The following DPRX variants were observed in gnomAD, a reference collection of about 807,000 sequenced individuals.
DPRX encodes the protein divergent-paired related homeobox, also known as divergent paired-related homeobox.
DPRX carries 11 observed loss-of-function variants against 8.4 expected under a neutral mutation model. The ratio of observed to expected loss-of-function variants is 1.31; its 90% confidence interval spans 0.82 to 2.17. DPRX has a LOEUF of 2.17. Among genes scored for constraint, DPRX ranks in the 30% most tolerant of loss-of-function variants. DPRX has a pLI of 0.00. For missense variants in DPRX, 211 were observed against 236.7 expected, an observed-to-expected ratio of 0.89 and a Z score of 0.71; for synonymous variants, 72 against 87.0, an observed-to-expected ratio of 0.83 and a Z score of 0.96.
At chr19:53,610,105 T>C in the DPRX span, among the ~76,000 whole-genome samples, 93,575 of 144,844 alleles carry the variant, frequency 0.65, 30,907 homozygotes, top group East Asian at 0.83. Context: ...GAGCCGAGAT[T>C]GGGCCACTGC....
chr19:53,602,267 G>GGTATGTGT, the DPRX span: 1 of 276,096 alleles, frequency 3.6e-6, no homozygotes. Flanking sequence ...TATGGGTATG[G>GGTATGTGT]GTGTGTGTGT....
At chr19:53,629,481 A>T (rs2091083281), upstream of DPRX, among the ~76,000 whole-genome samples, 2 of 149,696 alleles carry the variant, frequency 1.3e-5, no homozygotes, top group Admixed American at 1.3e-4. Flanking sequence ...GGCTCAAGCG[A>T]TCCTCCCTTC....
chr19:53,622,770 A>G, the DPRX span, among the ~76,000 whole-genome samples: 2 of 152,314 alleles, frequency 1.3e-5, no homozygotes, highest in South Asian at 4.1e-4. Flanking sequence ...AAATGAAGAC[A>G]TCACGCCAGA....
At chr19:53,618,828 A>G in the DPRX span, among the ~76,000 whole-genome samples, 6 of 152,012 alleles carry the variant, frequency 3.9e-5, no homozygotes, top group South Asian at 1.2e-3. Context: ...GATTACAGGC[A>G]TACGCCACCA....
At position 53,636,577 on chromosome 19, in the gene DPRX, TTC is replaced by T. The variant is rs1211943471; in HGVS notation, c.184-11_184-10del. 7 of 1,535,404 alleles carry T rather than the reference TTC, an allele frequency of 4.6e-6. No individual in the cohort carries two copies. The highest frequency in any genetic ancestry group is 1.9e-5 in the Admixed American group (1 of 52,454). On this transcript the variant is annotated splice_polypyrimidine_tract_variant and intron_variant, in intron 2 of 2. Transcript: ENST00000376650. The stretch of plus-strand genomic sequence containing the variant: ...GTCATCTGAATTCCACCCCATTCTC[TTC>T]TCTCTCTTCCCTTCAGGTCTGGTTC...
At chr19:53,629,120 C>T (rs1342986444), upstream of DPRX, among the ~76,000 whole-genome samples, 4 of 151,306 alleles carry the variant, frequency 2.6e-5, no homozygotes, top group Admixed American at 1.3e-4. Flanking sequence ...TTGAGACCAG[C>T]CTGGCCAACA....
Position 53,636,381 on chromosome 19 carries a change from TA to T in DPRX, c.184-211del, listed in dbSNP as rs66955116. ...ACTCCATCTCAAAAATAAAATAAAA[TA>T]AAATAAAAATAAATAAATAAATAAA... On this transcript the variant is annotated intron_variant, in intron 2 of 2. Transcript: ENST00000376650. Among the ~76,000 whole-genome samples the T allele has an allele frequency of 4.7e-3, 517 of 110,300 alleles. 2 individuals carry two copies. The highest frequency in any genetic ancestry group is 7.6e-3 in the Non-Finnish European group (384 of 50,714). 72.4% of individuals were successfully genotyped at this position (110,300 alleles called of 152,430 possible).
At chr19:53,612,772 A>G in the DPRX span, among the ~76,000 whole-genome samples, 1 of 152,182 alleles carries the variant, frequency 6.6e-6, no homozygotes, top group African/African-American at 2.4e-5. Context: ...AAAGGAAGAA[A>G]GAAAAGAAAT....
upstream of DPRX, among the ~76,000 whole-genome samples, chr19:53,627,965 G>T (rs539561297): frequency 6.6e-6 from 1 of 151,904 alleles, no homozygotes; most frequent in African/African-American, 2.4e-5. Context: ...CCGGGAGGCG[G>T]AGGTTGCAGT....
the DPRX span, among the ~76,000 whole-genome samples, chr19:53,624,094 T>C: frequency 5.9e-5 from 8 of 135,004 alleles, no homozygotes; most frequent in African/African-American, 2.0e-4. Context: ...TTTTTTTTTT[T>C]TTTTTTTTTT....
the DPRX span, chr19:53,608,565 G>T: frequency 1.1e-3 from 162 of 152,488 alleles, 1 homozygote; most frequent in South Asian, 4.8e-3. Context: ...AGGGTTTCCC[G>T]CAGGGGTGAT....
At chr19:53,635,917 C>T (rs925317081) in intron 2 of DPRX, among the ~76,000 whole-genome samples, 2 of 152,172 alleles carry the variant, frequency 1.3e-5, no homozygotes, top group Admixed American at 6.6e-5. Context: ...ATCCCCTGCT[C>T]TGGGTTTTCT....
chr19:53,608,240 AAAAAT>A, the DPRX span: 2 of 151,794 alleles, frequency 1.3e-5, no homozygotes, highest in East Asian at 1.9e-4. Context: ...AAAAATAAAA[AAAAAT>A]AAAATAAACC....
chr19:53,609,466 CAAAAAAAAAAAAAAAAAAAAAA>C, the DPRX span, among the ~76,000 whole-genome samples: 3 of 55,486 alleles, frequency 5.4e-5, no homozygotes, highest in Non-Finnish European at 9.2e-5. Flanking sequence ...GACTCGGTCT[CAAAAAAAAAAAAAAAAAAAAAA>C]AAAAAAAAAC....
chr19:53,619,687 A>C, the DPRX span, among the ~76,000 whole-genome samples: 28 of 137,422 alleles, frequency 2.0e-4, 1 homozygote, highest in Admixed American at 4.2e-4. Context: ...AAAAAAAAAA[A>C]AACAAAAAAC....
chr19:53,628,597 T>C (rs548965122), upstream of DPRX, among the ~76,000 whole-genome samples: 13 of 150,792 alleles, frequency 8.6e-5, no homozygotes, highest in Middle Eastern at 3.4e-3. Flanking sequence ...TTCTTTCTGT[T>C]TTTTTTTTTG....
the DPRX span, among the ~76,000 whole-genome samples, chr19:53,625,035 A>G: frequency 6.6e-6 from 1 of 151,118 alleles, no homozygotes; most frequent in Non-Finnish European, 1.5e-5. Context: ...CTTAAAGGAC[A>G]ATAGCAGATC....
chr19:53,608,991 AAGAG>A, the DPRX span, among the ~76,000 whole-genome samples: 4 of 108,748 alleles, frequency 3.7e-5, no homozygotes, highest in Admixed American at 3.7e-4. Flanking sequence ...AAAAGAAAGA[AAGAG>A]AAAGAAAGAA....
At chr19:53,617,168 T>C in the DPRX span, 1 of 1,059,658 alleles carries the variant, frequency 9.4e-7, no homozygotes, top group Non-Finnish European at 1.5e-6. Flanking sequence ...TCTTCTTCTA[T>C]TCGTTGGATT....
Sources: allele counts gnomAD v4.1 joint callset (sites outside exome capture counted in the v4.1 genomes callset), GRCh38; gene constraint gnomAD v4.1.1; transcripts MANE v1.5; gene names NCBI Gene and HGNC (gene_info 2026-07-23, HGNC 2026-07-21).